The following RGPD1 variants were observed in gnomAD, a reference collection of about 807,000 sequenced individuals.
RGPD1 encodes the protein RANBP2-like and GRIP domain-containing protein 1.
In RGPD1, 7 loss-of-function variants were observed where a neutral mutation model predicts 40.6. That is an observed-to-expected ratio of 0.17 (90% CI 0.10 to 0.32). RGPD1 has a LOEUF of 0.32. RGPD1 is among the 10% of genes least tolerant of loss of function. The pLI is 1.00. For synonymous variants in RGPD1, 24 were observed against 167.0 expected (o/e 0.14, Z 6.60); for missense variants, 50 against 472.5 (o/e 0.11, Z 8.29).
intron 1 of RGPD1, among the ~76,000 whole-genome samples, chr2:86,926,870 C>T (rs1678546171): frequency 6.6e-6 from 1 of 151,784 alleles, no homozygotes; most frequent in South Asian, 2.1e-4. Context: ...ATATTATCTT[C>T]ACTCTTCATT....
chr2:86,956,892 A>AT (rs1680764964), intron 4 of RGPD1, among the ~76,000 whole-genome samples: 1 of 122,296 alleles, frequency 8.2e-6, no homozygotes, highest in East Asian at 2.5e-4. Flanking sequence ...AGGTGGAAGA[A>AT]TAAGAAGGAT....
intron 1 of RGPD1, among the ~76,000 whole-genome samples, chr2:86,924,645 T>G (rs1678331520): frequency 6.6e-6 from 1 of 151,156 alleles, no homozygotes; most frequent in Non-Finnish European, 1.5e-5. Context: ...TTAAATTTTT[T>G]TGGCAGAGAC....
chr2:86,924,487 GACGGGGTGTC>G (rs1395910996), intron 1 of RGPD1, among the ~76,000 whole-genome samples: 1 of 149,844 alleles, frequency 6.7e-6, no homozygotes, highest in African/African-American at 2.4e-5. Context: ...TTTTTTAAGA[GACGGGGTGTC>G]ACTTTTTGCC....
rs554057144 is a variant in RGPD1 at position 86,942,235 on chromosome 2, C to T, written c.-2C>T. 1.9e-4 allele frequency: 310 copies of T among 1,603,928 alleles called. No homozygotes were observed. The East Asian group carries it at 4.5e-3, about 23-fold the overall frequency. Reference sequence around the variant, plus strand: ...CGTCTCGGGAGCCAGGTTGGCGGTGCGATGAGGCGCAGCAAGGCCTACGGG... The same window carrying T: ...CGTCTCGGGAGCCAGGTTGGCGGTGTGATGAGGCGCAGCAAGGCCTACGGG... On this transcript the variant is annotated 5_prime_UTR_variant, in exon 1 of 23. Transcript: ENST00000641458.
rs866088619 is a variant in RGPD1 at position 86,915,418 on chromosome 2, C to T, written c.72+1497C>T. ...ATTCCTTGCCTTCTAAAAGGTATTTCGTAATCACAAGGCCAGGTACCTAGA... is the reference window on the plus strand; with the variant it reads ...ATTCCTTGCCTTCTAAAAGGTATTTTGTAATCACAAGGCCAGGTACCTAGA... On this transcript the variant is annotated intron_variant, in intron 1 of 22. Coordinates refer to the RGPD1 transcript ENST00000398193. Among the ~76,000 whole-genome samples the T allele has an allele frequency of 4.5e-3, 633 of 140,906 alleles. 10 individuals are homozygous for T. The highest frequency in any genetic ancestry group is 0.016 in the African/African-American group (602 of 37,630). The allele number at this position is 140,906 out of a possible 152,430, so 92.4% of individuals were successfully genotyped here.
chr2:86,944,126 A>C (rs1278035554), intron 1 of RGPD1, among the ~76,000 whole-genome samples: 1 of 152,212 alleles, frequency 6.6e-6, no homozygotes, highest in Non-Finnish European at 1.5e-5. Flanking sequence ...TTGCGCTTCC[A>C]GCAACCCTGT....
intron 6 of RGPD1, among the ~76,000 whole-genome samples, chr2:86,960,650 T>C (rs11674261): frequency 3.2e-4 from 39 of 122,182 alleles, no homozygotes; most frequent in Admixed American, 8.9e-4. Flanking sequence ...AGTGCAGTGG[T>C]GCCATCTCGG....
At chr2:86,929,916 C>T (rs1428341732) in intron 1 of RGPD1, among the ~76,000 whole-genome samples, 1 of 140,016 alleles carries the variant, frequency 7.1e-6, no homozygotes, top group Non-Finnish European at 1.6e-5. Flanking sequence ...AACCCATCCA[C>T]CCTCTCAAAA....
At chr2:86,930,258 T>G in intron 1 of RGPD1, 1 of 1,409,492 alleles carries the variant, frequency 7.1e-7, no homozygotes, top group Non-Finnish European at 9.7e-7. Context: ...GGCAGCTGGA[T>G]GAGGAGGAAC....
chr2:86,939,518 G>T (rs1439323496), upstream of RGPD1, among the ~76,000 whole-genome samples: 3 of 144,624 alleles, frequency 2.1e-5, no homozygotes, highest in Non-Finnish European at 4.5e-5. Flanking sequence ...GGCAGAGGTT[G>T]CAATGAGCCG....
At position 86,960,621 on chromosome 2, in the gene RGPD1, G is replaced by A. The variant is rs1278143226; in HGVS notation, c.779+2194G>A. ...TTTTTTTTTTTTGAGACGGAGTCTC[G>A]CTCTGTTGCCCAGGCTGGAGTGCAG... On this transcript the variant is annotated intron_variant, in intron 6 of 22. Coordinates refer to ENST00000641458, the MANE Select transcript of RGPD1 (RefSeq NM_001382344.1). Among the ~76,000 whole-genome samples, 121 of 128,518 alleles carry A rather than the reference G, an allele frequency of 9.4e-4. 10 individuals are homozygous for A. The Middle Eastern group carries it at 0.019, about 20-fold the overall frequency. The allele number at this position is 128,518 out of a possible 152,430, so 84.3% of individuals were successfully genotyped here.
chr2:86,962,532 AAGAC>A lies in RGPD1; in HGVS notation c.780-495_780-492del, dbSNP rs1357114985. Among the ~76,000 whole-genome samples, 117 of 119,748 alleles carry A rather than the reference AAGAC, an allele frequency of 9.8e-4. 3 individuals carry two copies. The highest frequency in any genetic ancestry group is 1.4e-3 in the Non-Finnish European group (86 of 61,796). 78.6% of individuals were successfully genotyped at this position (119,748 alleles called of 152,430 possible). On this transcript the variant is annotated intron_variant, in intron 6 of 22. Coordinates refer to ENST00000641458, the MANE Select transcript of RGPD1 (RefSeq NM_001382344.1). ...CAAAAAAAAAAAAAAAAAAAAAAAA[AAGAC>A]AATTTATTTAACGCTGTAATGATCT...
In RGPD1 at chr2:86,944,139, A is replaced by G. The variant is rs531765668; in HGVS notation, c.72+1831A>G. Among the ~76,000 whole-genome samples the G allele has an allele frequency of 3.3e-5, 5 of 152,308 alleles. 1 individual carries two copies. In the East Asian group the frequency reaches 7.7e-4, roughly 24 times the overall value. On this transcript the variant is annotated intron_variant, in intron 1 of 22. Transcript: ENST00000641458. ...TTTTGCGCTTCCAGCAACCCTGTGG[A>G]TATTGAGACCTGTAGAGATTTAAGA...
rs989193143 is a variant in RGPD1, at chr2:86,915,377, C to T, written c.72+1456C>T. On this transcript the variant is annotated intron_variant, in intron 1 of 22. Coordinates refer to the RGPD1 transcript ENST00000398193. The stretch of plus-strand genomic sequence containing the variant: ...ATTTTCACTGCTGGTAAATGGTATT[C>T]CAAGTTGCTATAGAGATTCCTTGCC... Among the ~76,000 whole-genome samples, 7 of 148,080 alleles carry T rather than the reference C, an allele frequency of 4.7e-5. 1 individual carries two copies. Among genetic ancestry groups the T allele is most frequent in the East Asian group, 4.0e-4 (2 of 5,018 alleles).
chr2:86,942,393 G>C (rs1353380234), intron 1 of RGPD1, 85 bp downstream of exon 1: 15 of 1,336,790 alleles, frequency 1.1e-5, no homozygotes, highest in East Asian at 4.2e-5. Context: ...CGACCTGGCC[G>C]GGCGGCGGCC....
upstream of RGPD1, among the ~76,000 whole-genome samples, chr2:86,938,362 C>G (rs71261876): frequency 9.4e-6 from 1 of 106,372 alleles, no homozygotes; most frequent in Non-Finnish European, 1.9e-5. Context: ...ATCACAAAAA[C>G]TCATGTCAGG....
chr2:86,978,140 T>C (rs373627211), intron 17 of RGPD1, among the ~76,000 whole-genome samples: 383 of 115,398 alleles, frequency 3.3e-3, no homozygotes, highest in African/African-American at 0.013. Flanking sequence ...CAGCTTACTG[T>C]GGCTTCGACC....
At chr2:86,944,881 C>G (rs2104777063) in intron 1 of RGPD1, among the ~76,000 whole-genome samples, 1 of 151,580 alleles carries the variant, frequency 6.6e-6, no homozygotes. Context: ...CGCCACCATG[C>G]CCGGCTTTTT....
chr2:86,924,930 AT>A (rs1267305913), intron 1 of RGPD1, among the ~76,000 whole-genome samples: 1 of 150,340 alleles, frequency 6.7e-6, no homozygotes, highest in Non-Finnish European at 1.5e-5. Context: ...TGGGCAACAT[AT>A]TATATAGTAA....
Sources: allele counts gnomAD v4.1 joint callset (sites outside exome capture counted in the v4.1 genomes callset), GRCh38; gene constraint gnomAD v4.1.1; transcripts MANE v1.5; gene names NCBI Gene and HGNC (gene_info 2026-07-23, HGNC 2026-07-21).